DNAH5: variants seen among roughly 807,000 people sequenced by gnomAD.
The protein encoded by DNAH5 is dynein axonemal heavy chain 5.
In DNAH5, 372 loss-of-function variants were observed where a neutral mutation model predicts 518.2. The ratio of observed to expected loss-of-function variants is 0.72; its 90% CI spans 0.66 to 0.78. DNAH5 has a LOEUF of 0.78. Ranked by LOEUF, DNAH5 falls within the 30% of genes least tolerant of loss-of-function variation. The pLI is 0.00. For missense variants in DNAH5, 5,523 were observed against 5,687.0 expected, an observed-to-expected ratio of 0.97 and a Z score of 0.93; for synonymous variants, 2,039 against 2,025.9, an observed-to-expected ratio of 1.01 and a Z score of -0.17.
intron 65 of DNAH5, among the ~76,000 whole-genome samples, chr5:13,739,759 G>A (rs991858488): frequency 6.6e-6 from 1 of 152,186 alleles, no homozygotes; most frequent in African/African-American, 2.4e-5. Context: ...AACCGTCACT[G>A]TTAACCATTA....
At chr5:13,795,657 T>C (rs1757713401) in intron 47 of DNAH5, among the ~76,000 whole-genome samples, 1 of 152,086 alleles carries the variant, frequency 6.6e-6, no homozygotes, top group Non-Finnish European at 1.5e-5. Flanking sequence ...CTGAAACTAT[T>C]CCAATCAATA....
At chr5:13,964,680 A>G (rs1781414047) in intron 1 of DNAH5, among the ~76,000 whole-genome samples, 1 of 152,236 alleles carries the variant, frequency 6.6e-6, no homozygotes, top group Admixed American at 6.5e-5. Flanking sequence ...GGCAGTGGCC[A>G]TAGGGTTGGA....
At chr5:13,977,796 G>A (rs983185160) in intron 1 of DNAH5, among the ~76,000 whole-genome samples, 3 of 152,176 alleles carry the variant, frequency 2.0e-5, no homozygotes, top group Non-Finnish European at 4.4e-5. Flanking sequence ...AGTCCTTGGT[G>A]GGGGCTGGGA....
chr5:13,744,196 C>G (rs1369362881), intron 65 of DNAH5, among the ~76,000 whole-genome samples: 1 of 151,878 alleles, frequency 6.6e-6, no homozygotes, highest in Non-Finnish European at 1.5e-5. Context: ...ATGGATGGAA[C>G]TGGAGGTCAT....
intron 21 of DNAH5, among the ~76,000 whole-genome samples, chr5:13,880,595 T>A (rs1305220682): frequency 6.6e-6 from 1 of 151,848 alleles, no homozygotes; most frequent in African/African-American, 2.4e-5. Context: ...GTATATGCAA[T>A]CAAAACTATG....
chr5:13,932,822 G>C (rs1778548064), intron 1 of DNAH5, among the ~76,000 whole-genome samples: 1 of 152,206 alleles, frequency 6.6e-6, no homozygotes, highest in African/African-American at 2.4e-5. Context: ...CATAAGTTCA[G>C]CTTTTGGATG....
intron 1 of DNAH5, among the ~76,000 whole-genome samples, chr5:13,965,369 T>C (rs1781460352): frequency 6.6e-6 from 1 of 152,216 alleles, no homozygotes; most frequent in African/African-American, 2.4e-5. Flanking sequence ...ATAATATTTT[T>C]ATTTACATGT....
intron 65 of DNAH5, among the ~76,000 whole-genome samples, chr5:13,738,781 A>T (rs549740841): frequency 1.3e-4 from 20 of 152,194 alleles, no homozygotes; most frequent in Non-Finnish European, 2.6e-4. Flanking sequence ...GTACATGGAT[A>T]TCAACTTGCT....
intron 45 of DNAH5, 56 bp downstream of exon 45, chr5:13,810,003 C>T: frequency 1.4e-6 from 2 of 1,467,184 alleles, no homozygotes; most frequent in Non-Finnish European, 1.9e-6. Flanking sequence ...TAAATATTGG[C>T]CATGTAGGAA....
Position 13,883,066 on chromosome 5 carries a change from C to T in DNAH5, c.3012G>A (p.Gln1004=). ...TTGCCCGGAAAATGGGCAAACTGTT[C>T]TGCTTCATGTTAGAGGCACTGTTAC... ...RDSNSASNMK[Q]NSLPIFRASV... is the part of the protein sequence containing the mutation. Residue 1004 remains glutamine, a synonymous_variant, in exon 20 of 79, where the codon CAG becomes CAA. Coordinates refer to ENST00000265104, the MANE Select transcript of DNAH5 (RefSeq NM_001369.3). 6.2e-7 allele frequency: 1 copy of T among 1,614,100 alleles called. No homozygotes were observed. Among genetic ancestry groups the T allele is most frequent in the South Asian group, 1.1e-5 (1 of 91,080 alleles).
chr5:13,825,151 G>A (rs1762729272), intron 38 of DNAH5, among the ~76,000 whole-genome samples: 1 of 152,122 alleles, frequency 6.6e-6, no homozygotes, highest in East Asian at 1.9e-4. Flanking sequence ...AGACCAGCCT[G>A]GCCAACATGA....
At chr5:13,777,073 T>C in intron 54 of DNAH5, 129 bp downstream of exon 54, 1 of 894,204 alleles carries the variant, frequency 1.1e-6, no homozygotes, top group Non-Finnish European at 1.7e-6. Flanking sequence ...AACCCATCCT[T>C]CATACTGATC....
intron 29 of DNAH5, 53 bp from the exon 30 acceptor site, chr5:13,859,658 T>C: frequency 1.3e-6 from 2 of 1,560,898 alleles, no homozygotes; most frequent in Non-Finnish European, 1.8e-6. Context: ...GTGCTGTTGT[T>C]TCAAATTAAA....
At chr5:13,984,418 C>T (rs1782890782) in intron 1 of DNAH5, among the ~76,000 whole-genome samples, 1 of 152,176 alleles carries the variant, frequency 6.6e-6, no homozygotes, top group Admixed American at 6.5e-5. Flanking sequence ...TCAGCTTAAG[C>T]AGATTTGGGG....
chr5:13,829,454 T>C, intron 38 of DNAH5, 56 bp downstream of exon 38: 1 of 1,572,886 alleles, frequency 6.4e-7, no homozygotes, highest in Non-Finnish European at 8.7e-7. Flanking sequence ...GAGAACATTC[T>C]GCTGAATAGA....
intron 59 of DNAH5, among the ~76,000 whole-genome samples, chr5:13,764,864 G>C (rs1285554256): frequency 1.3e-5 from 2 of 152,122 alleles, no homozygotes; most frequent in Non-Finnish European, 2.9e-5. Flanking sequence ...GTTCAAACAG[G>C]CTTGTAAAAA....
intron 19 of DNAH5, among the ~76,000 whole-genome samples, chr5:13,884,498 T>C (rs1772102851): frequency 6.6e-6 from 1 of 152,242 alleles, no homozygotes; most frequent in Admixed American, 6.5e-5. Flanking sequence ...ATTGTTGGGA[T>C]GATCAAAGTT....
chr5:13,927,118 CTT>C (rs1777960342), intron 3 of DNAH5, among the ~76,000 whole-genome samples: 1 of 152,052 alleles, frequency 6.6e-6, no homozygotes, highest in Non-Finnish European at 1.5e-5. Flanking sequence ...CAGATATTGA[CTT>C]ATCTTCCTAC....
At chr5:13,718,662 C>A (rs991293064) in intron 72 of DNAH5, among the ~76,000 whole-genome samples, 5 of 152,140 alleles carry the variant, frequency 3.3e-5, no homozygotes, top group African/African-American at 4.8e-5. Flanking sequence ...TTAAATAGGG[C>A]AGTACTGGGA....
Sources: gnomAD v4.1 joint callset for allele counts (sites outside exome capture counted in the v4.1 genomes callset) on GRCh38, gnomAD v4.1.1 for gene constraint, MANE v1.5 for transcripts, NCBI Gene and HGNC (gene_info 2026-07-23, HGNC 2026-07-21) for gene names.